Variants in NREP observed in about 807,000 individuals in gnomAD.
NREP encodes the protein neuronal regeneration related protein.
A neutral mutation model predicts 8.6 loss-of-function variants in NREP; 5 were observed. The observed-to-expected ratio is 0.58, with a 90% CI of 0.30 to 1.22. The LOEUF is 1.22. Ranked by LOEUF, NREP falls within the 50% of genes most tolerant of loss-of-function variation. The probability of loss-of-function intolerance (pLI) is 0.07; values close to 1 mark genes in which losing one functional copy is unlikely to be tolerated. For synonymous variants in NREP, 27 were observed against 28.0 expected (o/e 0.96, Z 0.11); for missense variants, 86 against 82.5 (o/e 1.04, Z -0.17).
chr5:111,794,348 T>C (rs541397696), intron 2 of NREP, among the ~76,000 whole-genome samples: 1 of 152,278 alleles, frequency 6.6e-6, no homozygotes, highest in African/African-American at 2.4e-5. Context: ...AAAACTTGTG[T>C]CTCCATAAGA....
chr5:111,840,124 T>C (rs77720239), intron 2 of NREP, among the ~76,000 whole-genome samples: 772 of 152,198 alleles, frequency 5.1e-3, no homozygotes, highest in Non-Finnish European at 8.9e-3. Flanking sequence ...TATAAATCAT[T>C]ATTATATGCA....
chr5:111,867,547 G>GT (rs1753696579), intron 2 of NREP, among the ~76,000 whole-genome samples: 1 of 152,088 alleles, frequency 6.6e-6, no homozygotes, highest in Non-Finnish European at 1.5e-5. Flanking sequence ...GAGATCTTGG[G>GT]TGTTAGTGTT....
upstream of NREP, among the ~76,000 whole-genome samples, chr5:111,758,705 C>G (rs79491171): frequency 1.1e-3 from 165 of 152,332 alleles, 1 homozygote; most frequent in East Asian, 0.026. Context: ...ATTTACAAAA[C>G]TCAATTTTTA....
chr5:111,740,393 G>GT (rs1295427526), intron 2 of NREP, among the ~76,000 whole-genome samples: 2 of 152,034 alleles, frequency 1.3e-5, no homozygotes, highest in Non-Finnish European at 2.9e-5. Context: ...TGATAGTTGG[G>GT]TAAGTTTCAA....
At chr5:111,901,899 C>A (rs1041155135) in intron 2 of NREP, among the ~76,000 whole-genome samples, 1 of 152,092 alleles carries the variant, frequency 6.6e-6, no homozygotes, top group Non-Finnish European at 1.5e-5. Flanking sequence ...AGATTCAATG[C>A]AATTCCCATC....
chr5:111,898,244 C>T lies in NREP; in HGVS notation c.135+77030G>A, dbSNP rs933927239. On this transcript the variant is annotated intron_variant, in intron 2 of 3. Transcript: ENST00000395634. ...AGAAGCAGGAAAATATGGAAGGAGG[C>T]GATTGCAGTAATAAAGACAAGAGAT... 1.3e-4 allele frequency among the ~76,000 whole-genome samples: 19 copies of T among 151,898 alleles called. No homozygotes were observed. In the East Asian group the frequency reaches 1.5e-3, roughly 12 times the overall value.
chr5:111,919,882 A>AGAAAGAAG (rs1296306579), intron 2 of NREP, among the ~76,000 whole-genome samples: 11 of 148,082 alleles, frequency 7.4e-5, no homozygotes, highest in African/African-American at 2.5e-4. Context: ...AAAGAAAGAA[A>AGAAAGAAG]GAAAGAAAGA....
chr5:111,746,114 C>T (rs1468802830), intron 2 of NREP, among the ~76,000 whole-genome samples: 1 of 151,992 alleles, frequency 6.6e-6, no homozygotes, highest in Non-Finnish European at 1.5e-5. Flanking sequence ...CAATGATTAT[C>T]AGATGAATTG....
chr5:111,866,143 G>T (rs1045081579), intron 2 of NREP, among the ~76,000 whole-genome samples: 5 of 151,922 alleles, frequency 3.3e-5, no homozygotes, highest in African/African-American at 9.7e-5. Context: ...AAGCCAAAAT[G>T]GACAAATGGG....
At chr5:111,753,283 C>A (rs891700003) in intron 2 of NREP, among the ~76,000 whole-genome samples, 2 of 149,826 alleles carry the variant, frequency 1.3e-5, no homozygotes, top group Admixed American at 6.7e-5. Context: ...GAGGCCCATA[C>A]ACAGAACACA....
intron 2 of NREP, among the ~76,000 whole-genome samples, chr5:111,967,825 T>A (rs1396478265): frequency 1.3e-5 from 2 of 152,252 alleles, no homozygotes; most frequent in Non-Finnish European, 2.9e-5. Flanking sequence ...TTCCCTCTCT[T>A]TCCCTTCACC....
intron 2 of NREP, among the ~76,000 whole-genome samples, chr5:111,892,151 T>C (rs1729895742): frequency 2.0e-5 from 3 of 152,142 alleles, no homozygotes; most frequent in Non-Finnish European, 2.9e-5. Context: ...ATAGTGCATA[T>C]TATAAAAGAC....
intron 2 of NREP, among the ~76,000 whole-genome samples, chr5:111,799,983 G>C (rs1407409087): frequency 6.6e-6 from 1 of 152,062 alleles, no homozygotes; most frequent in African/African-American, 2.4e-5. Context: ...GCGGTGGTGT[G>C]ATCTCAGCTC....
rs1561376637 is a variant in NREP at position 111,971,252 on chromosome 5, C to G, written c.135+4022G>C. ...TAATGACTGATTAAAGTAAATATGT[C>G]TCCCCATCCATATACCTGAAAGTGA... On this transcript the variant is annotated intron_variant, in intron 2 of 3. Coordinates refer to the NREP transcript ENST00000395634. 4.6e-5 allele frequency among the ~76,000 whole-genome samples: 7 copies of G among 152,262 alleles called. No individual in the cohort carries two copies. The South Asian group carries it at 6.2e-4, about 14-fold the overall frequency.
intron 2 of NREP, among the ~76,000 whole-genome samples, chr5:111,868,912 C>A (rs1753726947): frequency 6.6e-6 from 1 of 151,612 alleles, no homozygotes; most frequent in African/African-American, 2.4e-5. Flanking sequence ...GATTTAGCAA[C>A]ATGAATTGCA....
At chr5:111,780,617 G>A (rs1182362694) in intron 2 of NREP, among the ~76,000 whole-genome samples, 27 of 152,140 alleles carry the variant, frequency 1.8e-4, no homozygotes, top group Admixed American at 1.8e-3. Context: ...AATCATGGAA[G>A]GAGACTGGAT....
intron 2 of NREP, among the ~76,000 whole-genome samples, chr5:111,833,313 C>A (rs1483996269): frequency 6.6e-6 from 1 of 152,120 alleles, no homozygotes; most frequent in African/African-American, 2.4e-5. Flanking sequence ...ATGAGAAAAG[C>A]CAATACAAAA....
chr5:111,915,490 A>G (rs1461851900), intron 2 of NREP, among the ~76,000 whole-genome samples: 1 of 152,026 alleles, frequency 6.6e-6, no homozygotes, highest in Non-Finnish European at 1.5e-5. Context: ...ACAGCACAGC[A>G]TACTCTTGGA....
intron 2 of NREP, among the ~76,000 whole-genome samples, chr5:111,822,102 T>G (rs559584604): frequency 2.6e-5 from 4 of 152,158 alleles, no homozygotes; most frequent in Non-Finnish European, 5.9e-5. Context: ...CAAATTCCAT[T>G]TAGTGTGGAC....
Sources: gnomAD v4.1 joint callset for allele counts (sites outside exome capture counted in the v4.1 genomes callset) on GRCh38, gnomAD v4.1.1 for gene constraint, MANE v1.5 for transcripts, NCBI Gene and HGNC (gene_info 2026-07-23, HGNC 2026-07-21) for gene names.